IRS2: variants seen among roughly 807,000 people sequenced by gnomAD.
The protein encoded by IRS2 is insulin receptor substrate 2.
IRS2 carries 28 observed loss-of-function variants against 70.9 expected under a neutral mutation model. The ratio of observed to expected loss-of-function variants is 0.39; its 90% CI spans 0.29 to 0.54. IRS2 has a LOEUF of 0.54. IRS2 is among the 20% of genes least tolerant of loss of function. The pLI is 0.59. For synonymous variants in IRS2, 1,217 were observed against 981.9 expected (o/e 1.24, Z -4.48); for missense variants, 2,081 against 2,024.1 (o/e 1.03, Z -0.54).
intron 1 of IRS2, among the ~76,000 whole-genome samples, chr13:109,774,927 T>G (rs1877538730): frequency 6.6e-6 from 1 of 152,172 alleles, no homozygotes; most frequent in South Asian, 2.1e-4. Context: ...GTCATTGCAT[T>G]CAACTTCAAT....
chr13:109,755,803 C>G lies in IRS2; in HGVS notation c.*501G>C, dbSNP rs888406502. On this transcript the variant is annotated 3_prime_UTR_variant, in exon 2 of 2. Transcript: ENST00000375856. ...AGCGCAGGGGCTACTACAGGAGGTC[C>G]TGTGGGACCCCCGCCACGGAAATCC... The G allele has an allele frequency of 4.4e-6, 1 of 225,982 alleles. No homozygotes were observed. The highest frequency in any genetic ancestry group is 9.0e-6 in the Non-Finnish European group (1 of 111,552). The allele number at this position is 225,982 out of a possible 1,614,324, so 14.0% of individuals were successfully genotyped here.
intron 1 of IRS2, among the ~76,000 whole-genome samples, chr13:109,768,451 A>ACC (rs1384011235): frequency 6.6e-6 from 1 of 152,192 alleles, no homozygotes; most frequent in East Asian, 1.9e-4. Flanking sequence ...CCTCAGCAAA[A>ACC]CCCATGCCCT....
In IRS2 at chr13:109,785,050, T is replaced by G; in HGVS notation, c.1004A>C (p.Gln335Pro). 1 of 1,554,144 alleles carries G rather than the reference T, an allele frequency of 6.4e-7. No individual in the cohort carries two copies. Among genetic ancestry groups the G allele is most frequent in the Non-Finnish European group, 8.7e-7 (1 of 1,151,064 alleles). ...HHHLVNLPPS[Q>P]TGLVRRSRTD... ...GCGCGAGCGGCGCACCAGGCCCGTC[T>G]GGCTGGGGGGCAGGTTGACCAGGTG... Residue 335 changes from glutamine to proline, a missense_variant, in exon 1 of 2, where the codon CAG (glutamine) becomes CCG (proline). Physicochemically the swap from Gln to Pro is moderately conservative, Grantham distance 76 (BLOSUM62 -1). This residue lies in a region of IRS2 where 111 missense variants were observed against 133.1 expected (regional missense o/e 0.83). Coordinates refer to ENST00000375856, the MANE Select transcript of IRS2 (RefSeq NM_003749.3). The surrounding 1 kb of genome is among the most constrained non-coding windows in gnomAD (Gnocchi z 9.3).
intron 1 of IRS2, among the ~76,000 whole-genome samples, chr13:109,775,932 G>A (rs534232777): frequency 1.3e-4 from 20 of 152,242 alleles, no homozygotes; most frequent in African/African-American, 1.7e-4. Context: ...GGAAGATCAC[G>A]GGGTCAGGAG....
rs1877846262 is a variant in IRS2, at chr13:109,784,424, T to C, written c.1630A>G (p.Thr544Ala). ...CAGTGGCTCAGGGGCCTGTCCATGGTCATGTACCCGTAGAACTCACCGCCG... is the reference window on the plus strand; with the variant it reads ...CAGTGGCTCAGGGGCCTGTCCATGGCCATGTACCCGTAGAACTCACCGCCG... Reference protein sequence around the residue: ...GGGGEFYGYMTMDRPLSHCGR... With the variant: ...GGGGEFYGYMAMDRPLSHCGR... The change falls in exon 1 of 2, where the codon ACC becomes GCC. Residue 544 changes from threonine to alanine, a missense_variant. Physicochemically the swap from Thr to Ala is moderately conservative, Grantham distance 58 (BLOSUM62 0). This residue lies in a region of IRS2 where 1,615 missense variants were observed against 1,459.5 expected (regional missense o/e 1.11). Coordinates refer to ENST00000375856, the MANE Select transcript of IRS2 (RefSeq NM_003749.3). This position sits in a 1 kb window ranked among gnomAD's most constrained non-coding sequence, Gnocchi z 5.2. 6.2e-7 allele frequency: 1 copy of C among 1,606,172 alleles called. No homozygotes were observed. Among genetic ancestry groups the C allele is most frequent in the Non-Finnish European group, 8.5e-7 (1 of 1,176,668 alleles).
rs759830107 is a variant in IRS2, at chr13:109,756,978, C to T, written c.4013-670G>A. Among the ~76,000 whole-genome samples, 55 of 152,184 alleles carry T rather than the reference C, an allele frequency of 3.6e-4. 2 individuals are homozygous for T. Among genetic ancestry groups the T allele is most frequent in the Admixed American group, 2.4e-3 (37 of 15,282 alleles). On this transcript the variant is annotated intron_variant, in intron 1 of 1. Transcript: ENST00000375856. ...ATTAGGAAAGGGTTATTTTTATCCA[C>T]TCAAACTTTCATATGTTCCAGTTTA... is the stretch of plus-strand genomic sequence containing the variant.
chr13:109,777,444 T>C (rs1423936297), intron 1 of IRS2, among the ~76,000 whole-genome samples: 1 of 152,208 alleles, frequency 6.6e-6, no homozygotes, highest in Non-Finnish European at 1.5e-5. Flanking sequence ...TCATTTTAAA[T>C]ACTCATACTT....
rs2138935503 is a variant in IRS2 at position 109,784,326 on chromosome 13, G to A, written c.1728C>T (p.Tyr576=). 6.2e-7 allele frequency: 1 copy of A among 1,607,320 alleles called. No individual in the cohort carries two copies. Among genetic ancestry groups the A allele is most frequent in the Non-Finnish European group, 8.5e-7 (1 of 1,178,690 alleles). ...DLDRGLRKRT[Y]SLTTPARQRP... ...GCTGCCGGGCTGGCGTGGTCAGGGA[G>A]TAGGTCCTCTTGCGCAGCCCTCGGT... The change falls in exon 1 of 2, where the codon TAC becomes TAT. Residue 576 remains tyrosine, a synonymous_variant. Transcript: ENST00000375856. The surrounding 1 kb of genome is among the most constrained non-coding windows in gnomAD (Gnocchi z 5.2).
rs2138940010 is a variant in IRS2, at chr13:109,786,036, C to A, written c.18G>T (p.Arg6=). Residue 6 remains arginine (R), a synonymous_variant, in exon 1 of 2, where the codon CGG becomes CGT. Transcript: ENST00000375856. The surrounding 1 kb of genome is among the most constrained non-coding windows in gnomAD (Gnocchi z 4.4). MASPP[R]HGPPGPASGD... ...CGCTCGCCGGCCCGGGCGGCCCGTG[C>A]CGCGGCGGGCTCGCCATCGCGGGCG... 7.6e-7 allele frequency: 1 copy of A among 1,316,692 alleles called. No individual in the cohort carries two copies. 81.6% of individuals were successfully genotyped at this position (1,316,692 alleles called of 1,614,324 possible). A position where few individuals can be genotyped will look rare whatever the true frequency, so the allele number is the denominator to read the frequency against.
Position 109,786,276 on chromosome 13 carries a change from G to T in IRS2, c.-223C>A, listed in dbSNP as rs1355966738. ...TCCGCGCTCTGGGGCTCCTGAGGAT[G>T]CCCGGCGCGGGCGGTGGCCGCCCCC... On this transcript the variant is annotated 5_prime_UTR_variant, in exon 1 of 2. Transcript: ENST00000375856. The surrounding 1 kb of genome is among the most constrained non-coding windows in gnomAD (Gnocchi z 4.4). The T allele has an allele frequency of 1.3e-5, 2 of 149,796 alleles. No individual in the cohort carries two copies. The highest frequency in any genetic ancestry group is 6.8e-5 in the Admixed American group (1 of 14,780). 9.3% of individuals were successfully genotyped at this position (149,796 alleles called of 1,614,324 possible).
intron 1 of IRS2, among the ~76,000 whole-genome samples, chr13:109,775,069 T>C (rs1488422418): frequency 6.6e-6 from 1 of 151,988 alleles, no homozygotes; most frequent in Non-Finnish European, 1.5e-5. Flanking sequence ...CTGTATCATA[T>C]TCTTAAATAT....
At chr13:109,756,346 G>A in intron 1 of IRS2, 38 bp from the exon 2 acceptor site, 1 of 1,603,452 alleles carries the variant, frequency 6.2e-7, no homozygotes, top group Non-Finnish European at 8.5e-7. Flanking sequence ...GAGACCCTCA[G>A]GAGAACAGAG....
chr13:109,780,729 C>T (rs1877677217), intron 1 of IRS2, among the ~76,000 whole-genome samples: 1 of 152,224 alleles, frequency 6.6e-6, no homozygotes, highest in Non-Finnish European at 1.5e-5. Context: ...ACCTTAGGCT[C>T]ACATCTAATC....
chr13:109,782,242 GGCGGCT>G lies in IRS2; in HGVS notation c.3806_3811del (p.Gln1269_Pro1270del). On this transcript the variant is annotated inframe_deletion, in exon 1 of 2. Transcript: ENST00000375856. ...TCCCGGCTGAGGAAGCGGCGGCGGCGGCGGCTGCGGCTGGGGTGGCAGCCCGGGCTC... is the reference window on the plus strand; with the variant it reads ...TCCCGGCTGAGGAAGCGGCGGCGGCGGCGGCTGGGGTGGCAGCCCGGGCTC... 2 of 1,607,650 alleles carry G rather than the reference GGCGGCT, an allele frequency of 1.2e-6. No homozygotes were observed. Among genetic ancestry groups the G allele is most frequent in the Non-Finnish European group, 1.7e-6 (2 of 1,177,600 alleles).
rs3742210 is a variant in IRS2, at chr13:109,783,885, G to A, written c.2169C>T (p.Ser723=). ...GCGAGCTGGCCTTGTAGCCGCCCCCGCTCGCCGGGAATGTCCTGCCCGCCG... is the reference window on the plus strand; with the variant it reads ...GCGAGCTGGCCTTGTAGCCGCCCCCACTCGCCGGGAATGTCCTGCCCGCCG... ...TSAAGRTFPA[S]GGGYKASSPA... Residue 723 remains serine, a synonymous_variant, in exon 1 of 2, where the codon AGC becomes AGT. Transcript: ENST00000375856. 0.58 allele frequency: 899,963 copies of A among 1,548,092 alleles called. 263,279 individuals are homozygous for A. The highest frequency in any genetic ancestry group is 0.67 in the Admixed American group (34,513 of 51,164).
At chr13:109,760,000 A>G (rs1877193351) in intron 1 of IRS2, among the ~76,000 whole-genome samples, 1 of 152,084 alleles carries the variant, frequency 6.6e-6, no homozygotes, top group Non-Finnish European at 1.5e-5. Context: ...GTTATCCCTC[A>G]CCCTGAAAAT....
At chr13:109,779,324 A>T (rs1408183902) in intron 1 of IRS2, among the ~76,000 whole-genome samples, 1 of 152,232 alleles carries the variant, frequency 6.6e-6, no homozygotes, top group Non-Finnish European at 1.5e-5. Flanking sequence ...CACTTCTAAG[A>T]GCCAGGCAGG....
chr13:109,760,304 C>T (rs1877199269), intron 1 of IRS2, among the ~76,000 whole-genome samples: 1 of 152,170 alleles, frequency 6.6e-6, no homozygotes, highest in African/African-American at 2.4e-5. Flanking sequence ...TGCTCATGAA[C>T]ACAATGACAG....
intron 1 of IRS2, among the ~76,000 whole-genome samples, chr13:109,762,946 G>C (rs1417677643): frequency 6.6e-6 from 1 of 152,170 alleles, no homozygotes; most frequent in Admixed American, 6.5e-5. Flanking sequence ...TCCAAGCAGA[G>C]GTCAGTAAAG....
Sources: gnomAD v4.1 joint callset for allele counts (sites outside exome capture counted in the v4.1 genomes callset) on GRCh38, gnomAD v4.1.1 for gene constraint, gnomAD v4.1.1 regional missense constraint, Gnocchi (gnomAD v3.1) non-coding constraint, MANE v1.5 for transcripts, NCBI Gene and HGNC (gene_info 2026-07-23, HGNC 2026-07-21) for gene names.